Variants in CHST9 observed in about 807,000 individuals in gnomAD.
The protein encoded by CHST9 is carbohydrate sulfotransferase 9.
CHST9 carries 41 observed loss-of-function variants against 44.4 expected under a neutral mutation model. The observed-to-expected ratio is 0.92, with a 90% CI of 0.72 to 1.20. The LOEUF is 1.20. Among genes scored for constraint, CHST9 ranks in the 50% most tolerant of loss-of-function variants. The pLI, the probability that CHST9 is intolerant of heterozygous loss-of-function variation, is 0.00. For missense variants in CHST9, 504 were observed against 516.5 expected, an observed-to-expected ratio of 0.98 and a Z score of 0.23; for synonymous variants, 171 against 178.4, an observed-to-expected ratio of 0.96 and a Z score of 0.33.
chr18:26,922,357 G>A (rs1473057195), intron 5 of CHST9, among the ~76,000 whole-genome samples: 1 of 152,164 alleles, frequency 6.6e-6, no homozygotes, highest in Non-Finnish European at 1.5e-5. Flanking sequence ...ATAGCACTTA[G>A]TCTGTACTTC....
intron 4 of CHST9, among the ~76,000 whole-genome samples, chr18:27,010,614 T>C (rs2057071846): frequency 6.6e-6 from 1 of 152,158 alleles, no homozygotes; most frequent in African/African-American, 2.4e-5. Context: ...GTTTCTCATA[T>C]ACAACATGAA....
chr18:26,999,296 A>G (rs908646461), intron 4 of CHST9, among the ~76,000 whole-genome samples: 1 of 152,252 alleles, frequency 6.6e-6, no homozygotes, highest in African/African-American at 2.4e-5. Context: ...CATTTTTATT[A>G]CTTTTTAAAA....
At chr18:27,177,921 T>C (rs1182728124) in intron 1 of CHST9, among the ~76,000 whole-genome samples, 1 of 152,050 alleles carries the variant, frequency 6.6e-6, no homozygotes, top group Non-Finnish European at 1.5e-5. Context: ...ATATAGATCT[T>C]TGTGCTGTTC....
rs149820335 is a variant in CHST9, at chr18:26,962,520, C to G, written c.203-18154G>C. Among the ~76,000 whole-genome samples, 368 of 152,154 alleles carry G rather than the reference C, an allele frequency of 2.4e-3. 2 individuals carry two copies. Among genetic ancestry groups the G allele is most frequent in the African/African-American group, 8.1e-3 (336 of 41,514 alleles). ...TGGCCAGGCTGGTCTTGAACTCCTG[C>G]CCTAAAGTGATCCACCCACCTCAGC... On this transcript the variant is annotated intron_variant, in intron 4 of 5. Coordinates refer to ENST00000618847, the MANE Select transcript of CHST9 (RefSeq NM_031422.6).
intron 4 of CHST9, among the ~76,000 whole-genome samples, chr18:26,978,244 T>C (rs1568118494): frequency 2.0e-5 from 3 of 151,256 alleles, no homozygotes; most frequent in Non-Finnish European, 4.4e-5. Context: ...AACTAACCCG[T>C]TTCTTTTCTC....
At position 27,091,200 on chromosome 18, in the gene CHST9, T is replaced by C. The variant is rs1201849056; in HGVS notation, c.122-42697A>G. Among the ~76,000 whole-genome samples, 3 of 152,212 alleles carry C rather than the reference T, an allele frequency of 2.0e-5. No homozygotes were observed. In the East Asian group the frequency reaches 5.8e-4, roughly 29 times the overall value. On this transcript the variant is annotated intron_variant, in intron 2 of 5. Coordinates refer to ENST00000618847, the MANE Select transcript of CHST9 (RefSeq NM_031422.6). ...GGATTCCTAGGTATTTTATTCTCTT[T>C]GTAGCACTTGTGAATGGGAGTTCAC...
intron 4 of CHST9, among the ~76,000 whole-genome samples, chr18:26,985,332 C>T (rs898186147): frequency 8.5e-5 from 13 of 152,192 alleles, no homozygotes; most frequent in African/African-American, 3.1e-4. Flanking sequence ...ATAACTGGGA[C>T]CAAATTTATT....
chr18:27,154,429 A>G (rs2058682763), intron 1 of CHST9, among the ~76,000 whole-genome samples: 1 of 152,062 alleles, frequency 6.6e-6, no homozygotes, highest in African/African-American at 2.4e-5. Flanking sequence ...TATGGTGATT[A>G]CATTTGTTCT....
chr18:26,946,077 T>C (rs2056157944), intron 4 of CHST9, among the ~76,000 whole-genome samples: 1 of 152,216 alleles, frequency 6.6e-6, no homozygotes. Flanking sequence ...ACTCGCCAGA[T>C]AATAAGAATC....
At chr18:27,069,739 T>C (rs1198901825) in intron 2 of CHST9, among the ~76,000 whole-genome samples, 1 of 152,200 alleles carries the variant, frequency 6.6e-6, no homozygotes, top group African/African-American at 2.4e-5. Context: ...CTGTCTTCTA[T>C]TGCTACAAAA....
intron 4 of CHST9, among the ~76,000 whole-genome samples, chr18:26,947,597 T>C (rs1056485931): frequency 2.6e-5 from 4 of 152,154 alleles, no homozygotes; most frequent in Non-Finnish European, 5.9e-5. Flanking sequence ...GCAAAGGATA[T>C]GAACAGACAC....
intron 5 of CHST9, among the ~76,000 whole-genome samples, chr18:26,918,652 A>T (rs1324833908): frequency 6.6e-6 from 1 of 152,182 alleles, no homozygotes; most frequent in African/African-American, 2.4e-5. Flanking sequence ...AATGAATGGA[A>T]TTAGGTCTTC....
rs560562583 is a variant in CHST9, at chr18:27,006,852, A to G, written c.202+17264T>C. Among the ~76,000 whole-genome samples the G allele has an allele frequency of 4.4e-4, 67 of 152,316 alleles. 1 individual carries two copies. Among genetic ancestry groups the G allele is most frequent in the Non-Finnish European group, 1.5e-5 (1 of 68,026 alleles). ...AACAGCCTTGGTGCAGGTAAACTAGACACTGGTGAATGGGCAGAGATGGTG... is the reference window on the plus strand; with the variant it reads ...AACAGCCTTGGTGCAGGTAAACTAGGCACTGGTGAATGGGCAGAGATGGTG... On this transcript the variant is annotated intron_variant, in intron 4 of 5. Transcript: ENST00000618847.
chr18:27,045,441 T>A (rs1340617060), intron 3 of CHST9, among the ~76,000 whole-genome samples: 1 of 152,042 alleles, frequency 6.6e-6, no homozygotes. Flanking sequence ...GAGATAAAGG[T>A]ACTTCAAACA....
intron 4 of CHST9, among the ~76,000 whole-genome samples, chr18:26,983,658 T>C (rs2056720604): frequency 6.6e-6 from 1 of 152,184 alleles, no homozygotes; most frequent in South Asian, 2.1e-4. Context: ...CCTAATATAG[T>C]CCCATCTTCA....
In CHST9 at chr18:27,102,103, C is replaced by T. The variant is rs1360241897; in HGVS notation, c.121+40586G>A. On this transcript the variant is annotated intron_variant, in intron 2 of 5. Coordinates refer to ENST00000618847, the MANE Select transcript of CHST9 (RefSeq NM_031422.6). The stretch of plus-strand genomic sequence containing the variant: ...TTTGTGTTTGGGTGTACACATGGGG[C>T]CATGAGTTGAGGTCAGTGTTTTCCA... Among the ~76,000 whole-genome samples the T allele has an allele frequency of 3.9e-5, 6 of 152,036 alleles. No homozygotes were observed. The East Asian group carries it at 1.2e-3, about 29-fold the overall frequency.
chr18:27,117,930 C>G (rs1467880887), intron 2 of CHST9, among the ~76,000 whole-genome samples: 1 of 152,134 alleles, frequency 6.6e-6, no homozygotes, highest in African/African-American at 2.4e-5. Flanking sequence ...ATTGCTGTAT[C>G]ACATAAAAAA....
intron 2 of CHST9, among the ~76,000 whole-genome samples, chr18:27,072,176 G>A (rs1437500264): frequency 1.3e-5 from 2 of 152,178 alleles, no homozygotes; most frequent in Non-Finnish European, 2.9e-5. Context: ...TCTCTGCTCT[G>A]AGAAAAGTTC....
intron 1 of CHST9, among the ~76,000 whole-genome samples, chr18:27,161,955 T>G (rs553746881): frequency 1.1e-4 from 16 of 152,054 alleles, no homozygotes; most frequent in East Asian, 7.7e-4. Context: ...GTTTTCCATT[T>G]GCTTGGTAGA....
Sources: gnomAD v4.1 joint callset for allele counts (sites outside exome capture counted in the v4.1 genomes callset) on GRCh38, gnomAD v4.1.1 for gene constraint, MANE v1.5 for transcripts, NCBI Gene and HGNC (gene_info 2026-07-23, HGNC 2026-07-21) for gene names.